Variants in CAMKK1 observed in about 807,000 individuals in gnomAD.
CAMKK1 encodes calcium/calmodulin-dependent protein kinase kinase 1.
A neutral mutation model predicts 63.5 loss-of-function variants in CAMKK1; 20 were observed. That is an observed-to-expected ratio of 0.32 (90% CI 0.22 to 0.46). The LOEUF (loss-of-function observed/expected upper bound fraction) is 0.46. CAMKK1 is among the 20% of genes least tolerant of loss of function. CAMKK1 has a pLI of 1.00. For missense variants in CAMKK1, 588 were observed against 658.1 expected, an observed-to-expected ratio of 0.89 and a Z score of 1.17; for synonymous variants, 253 against 269.0, an observed-to-expected ratio of 0.94 and a Z score of 0.58.
intron 14 of CAMKK1, among the ~76,000 whole-genome samples, chr17:3,867,341 T>A (rs182343018): frequency 2.2e-3 from 331 of 152,152 alleles, no homozygotes; most frequent in Non-Finnish European, 2.6e-3. Context: ...GAGTGCATGA[T>A]GGCGGGACGG....
At chr17:3,871,807 G>A (rs966282387) in intron 12 of CAMKK1, among the ~76,000 whole-genome samples, 10 of 151,038 alleles carry the variant, frequency 6.6e-5, no homozygotes, top group East Asian at 3.9e-4. Flanking sequence ...CACCACGCCT[G>A]GCTAATTTTT....
intron 15 of CAMKK1, chr17:3,865,556 G>A: frequency 9.4e-6 from 10 of 1,066,046 alleles, no homozygotes; most frequent in Non-Finnish European, 1.1e-5. Flanking sequence ...GGGCTGAGGG[G>A]GCCACAGATT....
Position 3,876,358 on chromosome 17 carries a change from C to G in CAMKK1, c.861G>C (p.Gly287=). The G allele has an allele frequency of 6.2e-7, 1 of 1,614,216 alleles. No homozygotes were observed. Among genetic ancestry groups the G allele is most frequent in the Non-Finnish European group, 8.5e-7 (1 of 1,180,020 alleles). The part of the protein sequence containing the change: ...KPSNLLLGDD[G]HVKIADFGVS... ...CGCCAAAGTCGGCGATCTTCACGTG[C>G]CCATCATCCCCCAGGAGCAGGTTGG... The change falls in exon 10 of 16, where the codon GGG becomes GGC. Residue 287 remains glycine, a synonymous_variant. Transcript: ENST00000348335.
At chr17:3,865,144 A>T in intron 15 of CAMKK1, 1 of 985,568 alleles carries the variant, frequency 1.0e-6, no homozygotes, top group Non-Finnish European at 1.2e-6. Flanking sequence ...TACAAACTCC[A>T]GCACAGGCCT....
At position 3,880,415 on chromosome 17, in the gene CAMKK1, A is replaced by G. The variant is rs756101063; in HGVS notation, c.727T>C (p.Cys243Arg). 3.1e-6 allele frequency: 5 copies of G among 1,613,748 alleles called. No homozygotes were observed. In the South Asian group the frequency reaches 3.3e-5, roughly 11 times the overall value. The stretch of plus-strand genomic sequence containing the variant: ...TGCTCCTCCGAGAAGGGCTTGTCAC[A>G]GGGCACTTCCATGACGGGCCTATGG... ...LRKGPVMEVP[C>R]DKPFSEEQAR... The change falls in exon 9 of 16, where the codon TGT (cysteine) becomes CGT (arginine). Residue 243 changes from cysteine (C) to arginine (R), a missense_variant. Around this residue, in one of 3 missense-constraint regions of CAMKK1, gnomAD observed 357 missense variants for 407.4 expected, o/e 0.88. Transcript: ENST00000348335.
rs767648963 is a variant in CAMKK1, at chr17:3,865,880, C to T, written c.1445+28G>A. On this transcript the variant is annotated intron_variant, in intron 15 of 15. Transcript: ENST00000348335. The stretch of plus-strand genomic sequence containing the variant: ...TCCCCACCCAACTCCAGGGAGTGCC[C>T]GGCAGTCCCTGGCCCACCAGTACTT... The T allele has an allele frequency of 2.5e-5, 41 of 1,613,366 alleles. No homozygotes were observed. In the Admixed American group the frequency reaches 5.2e-4, roughly 20 times the overall value.
Position 3,882,213 on chromosome 17 carries a change from G to T in CAMKK1, c.685+315C>A. 2 of 1,396,194 alleles carry T rather than the reference G, an allele frequency of 1.4e-6. No homozygotes were observed. Among genetic ancestry groups the T allele is most frequent in the Non-Finnish European group, 2.0e-6 (2 of 995,434 alleles). The allele number at this position is 1,396,194 out of a possible 1,614,324, so 86.5% of individuals were successfully genotyped here. ...ATAGGTGGGAAAACTGAGGCACAGA[G>T]CTACAGTGTCTGGGAACCCATGCAG... On this transcript the variant is annotated intron_variant, in intron 7 of 15. Coordinates refer to ENST00000348335, the MANE Select transcript of CAMKK1 (RefSeq NM_032294.3). The surrounding 1 kb of genome is among the most constrained non-coding windows in gnomAD (Gnocchi z 4.3).
At chr17:3,875,968 C>T (rs1321187629) in intron 10 of CAMKK1, among the ~76,000 whole-genome samples, 2 of 152,196 alleles carry the variant, frequency 1.3e-5, no homozygotes, top group Non-Finnish European at 2.9e-5. Flanking sequence ...TTTGTTTCTG[C>T]CTCTTCCACA....
At chr17:3,873,845 G>A (rs1371359998) in intron 10 of CAMKK1, among the ~76,000 whole-genome samples, 2 of 152,126 alleles carry the variant, frequency 1.3e-5, no homozygotes, top group African/African-American at 2.4e-5. Flanking sequence ...GCTTCAAGGA[G>A]TCATCCCTTC....
At chr17:3,875,920 C>T (rs2055129997) in intron 10 of CAMKK1, among the ~76,000 whole-genome samples, 1 of 152,186 alleles carries the variant, frequency 6.6e-6, no homozygotes, top group Admixed American at 6.5e-5. Context: ...CCCCCAACTT[C>T]CCCCGAAACC....
In CAMKK1 at chr17:3,881,697, C is replaced by T. The variant is rs374784068; in HGVS notation, c.686-49G>A. 1.8e-3 allele frequency: 2,741 copies of T among 1,538,994 alleles called. 57 individuals carry two copies. The South Asian group carries it at 0.03, about 17-fold the overall frequency. On this transcript the variant is annotated intron_variant, in intron 7 of 15. Coordinates refer to ENST00000348335, the MANE Select transcript of CAMKK1 (RefSeq NM_032294.3). Reference sequence around the variant, plus strand: ...AGGTGTAGCTGGCTGGCAAAGCAGCCGATGCCAAGGTCCCTCCCTGTTCTG... The same window carrying T: ...AGGTGTAGCTGGCTGGCAAAGCAGCTGATGCCAAGGTCCCTCCCTGTTCTG...
In CAMKK1 at chr17:3,862,527, A is replaced by G. The variant is rs1223140033; in HGVS notation, c.1446-244T>C. Reference sequence around the variant, plus strand: ...CCCCCATTGACCAGAGATGAAGTCTAAACCTCCCAGCACGGCCTCTGGAGC... The same window carrying G: ...CCCCCATTGACCAGAGATGAAGTCTGAACCTCCCAGCACGGCCTCTGGAGC... On this transcript the variant is annotated intron_variant, in intron 15 of 15. Transcript: ENST00000348335. This position sits in a 1 kb window ranked among gnomAD's most constrained non-coding sequence, Gnocchi z 4.1. Among the ~76,000 whole-genome samples, 1 of 152,052 alleles carries G rather than the reference A, an allele frequency of 6.6e-6. No individual in the cohort carries two copies. Among genetic ancestry groups the G allele is most frequent in the Non-Finnish European group, 1.5e-5 (1 of 68,002 alleles).
At position 3,884,469 on chromosome 17, in the gene CAMKK1, G is replaced by A; in HGVS notation, c.361-42C>T. ...AGCACCAGGTGGAGCTGGGTCCGGA[G>A]GCAGCACTGCTCCTACCTCAGAGCC... is the stretch of plus-strand genomic sequence containing the variant. On this transcript the variant is annotated intron_variant, in intron 2 of 15. Coordinates refer to ENST00000348335, the MANE Select transcript of CAMKK1 (RefSeq NM_032294.3). This position sits in a 1 kb window ranked among gnomAD's most constrained non-coding sequence, Gnocchi z 4.5. 6.3e-7 allele frequency: 1 copy of A among 1,596,276 alleles called. No homozygotes were observed. The highest frequency in any genetic ancestry group is 8.6e-7 in the Non-Finnish European group (1 of 1,166,072).
intron 9 of CAMKK1, among the ~76,000 whole-genome samples, chr17:3,877,513 G>C (rs1188130419): frequency 1.3e-5 from 2 of 152,132 alleles, no homozygotes; most frequent in African/African-American, 4.8e-5. Flanking sequence ...TCGACCTGTG[G>C]GCTCCCTCCT....
chr17:3,872,823 G>A (rs2054951564), intron 11 of CAMKK1, among the ~76,000 whole-genome samples, 196 bp from the exon 12 acceptor site: 1 of 152,164 alleles, frequency 6.6e-6, no homozygotes, highest in Non-Finnish European at 1.5e-5. Context: ...GAACAATGAG[G>A]CTGGGTGCAT....
Position 3,862,409 on chromosome 17 carries a change from C to A in CAMKK1, c.1446-126G>T. ...TCAAAGCCCCCTTCACCCACTGCCC[C>A]AAGCTTGGCCTCCCTCTGGCCTCCC... On this transcript the variant is annotated intron_variant, in intron 15 of 15. Transcript: ENST00000348335. The surrounding 1 kb of genome is among the most constrained non-coding windows in gnomAD (Gnocchi z 4.1). 1 of 805,944 alleles carries A rather than the reference C, an allele frequency of 1.2e-6. No homozygotes were observed. The highest frequency in any genetic ancestry group is 1.6e-5 in the South Asian group (1 of 62,284). 49.9% of individuals were successfully genotyped at this position (805,944 alleles called of 1,614,324 possible). A position where few individuals can be genotyped will look rare whatever the true frequency, so the allele number is the denominator to read the frequency against.
chr17:3,871,422 T>C (rs1206843204), intron 12 of CAMKK1, among the ~76,000 whole-genome samples: 2 of 139,908 alleles, frequency 1.4e-5, no homozygotes, highest in Non-Finnish European at 3.1e-5. Context: ...TAGCACGGTC[T>C]CAGCTCACTG....
At chr17:3,864,497 C>T (rs574812248) in intron 15 of CAMKK1, among the ~76,000 whole-genome samples, 22 of 151,384 alleles carry the variant, frequency 1.5e-4, no homozygotes, top group Middle Eastern at 3.5e-3. Context: ...CCACCCGCCT[C>T]GGCCTCCCAA....
At chr17:3,871,550 G>GT (rs1187685510) in intron 12 of CAMKK1, among the ~76,000 whole-genome samples, 1 of 149,288 alleles carries the variant, frequency 6.7e-6, no homozygotes, top group East Asian at 2.0e-4. Flanking sequence ...TAGAGATGGG[G>GT]TTTCACCGTG....
Sources: gnomAD v4.1 joint callset for allele counts (sites outside exome capture counted in the v4.1 genomes callset) on GRCh38, gnomAD v4.1.1 for gene constraint, gnomAD v4.1.1 regional missense constraint, Gnocchi (gnomAD v3.1) non-coding constraint, MANE v1.5 for transcripts, NCBI Gene and HGNC (gene_info 2026-07-23, HGNC 2026-07-21) for gene names.